NAV2: variants seen among roughly 807,000 people sequenced by gnomAD.
NAV2 encodes the protein helicase, APC down-regulated 1.
Under a neutral mutation model 223.2 loss-of-function variants are expected in NAV2, and 54 were observed. The observed-to-expected ratio is 0.24, with a 90% confidence interval of 0.19 to 0.30. The LOEUF (loss-of-function observed/expected upper bound fraction) is 0.30, where lower values mean the gene tolerates loss of function less well. NAV2 is among the 10% of genes least tolerant of loss of function. NAV2 has a pLI of 1.00. For missense variants in NAV2, 2,806 were observed against 3,147.5 expected, an observed-to-expected ratio of 0.89 and a Z score of 2.60; for synonymous variants, 1,279 against 1,239.3, an observed-to-expected ratio of 1.03 and a Z score of -0.67.
chr11:19,416,702 C>T (rs940065182), intron 1 of NAV2, among the ~76,000 whole-genome samples: 2 of 152,290 alleles, frequency 1.3e-5, no homozygotes, highest in African/African-American at 2.4e-5. Context: ...AACTATATTA[C>T]AAGGCTACAA....
intron 12 of NAV2, among the ~76,000 whole-genome samples, chr11:20,038,538 G>T (rs1266814111): frequency 6.6e-6 from 1 of 152,152 alleles, no homozygotes; most frequent in Admixed American, 6.5e-5. Context: ...TAATTCACAG[G>T]CTCCCATCCT....
intron 4 of NAV2, among the ~76,000 whole-genome samples, chr11:19,872,650 A>G (rs1339484584): frequency 6.6e-6 from 1 of 152,220 alleles, no homozygotes; most frequent in Non-Finnish European, 1.5e-5. Flanking sequence ...CCCAGTCTAA[A>G]GCTGGGTTTG....
At chr11:19,976,457 G>A (rs2049760146) in intron 10 of NAV2, among the ~76,000 whole-genome samples, 2 of 152,172 alleles carry the variant, frequency 1.3e-5, no homozygotes, top group African/African-American at 4.8e-5. Flanking sequence ...GTTTTCCCTG[G>A]CGAGGCTGGC....
In NAV2 at chr11:20,007,160, T is replaced by C. The variant is rs539593750; in HGVS notation, c.2768+22913T>C. On this transcript the variant is annotated intron_variant, in intron 11 of 37. Coordinates refer to ENST00000349880, the MANE Select transcript of NAV2 (RefSeq NM_145117.5). ...TTTGTAGAGACAGGGTTTCACCATG[T>C]CATCCAGTCTGGTCTTGAACTTCTG... 2.0e-5 allele frequency among the ~76,000 whole-genome samples: 3 copies of C among 152,298 alleles called. No homozygotes were observed. The South Asian group carries it at 6.2e-4, about 32-fold the overall frequency.
At chr11:19,946,284 C>A in intron 8 of NAV2, 117 bp from the exon 9 acceptor site, 1 of 810,916 alleles carries the variant, frequency 1.2e-6, no homozygotes, top group Non-Finnish European at 1.8e-6. Context: ...ATTAAGCACC[C>A]ACAGCAAGGC....
intron 1 of NAV2, among the ~76,000 whole-genome samples, chr11:19,723,878 G>C (rs1321328762): frequency 6.6e-6 from 1 of 152,206 alleles, no homozygotes; most frequent in South Asian, 2.1e-4. Flanking sequence ...AGACCTGGGA[G>C]TGACTCATGT....
intron 1 of NAV2, among the ~76,000 whole-genome samples, chr11:19,466,426 GT>G (rs1268069336): frequency 6.6e-6 from 1 of 152,186 alleles, no homozygotes; most frequent in Admixed American, 6.5e-5. Context: ...CTTTGCTTTT[GT>G]TTCTGAAAGT....
At position 19,948,789 on chromosome 11, in the gene NAV2, T is replaced by G; in HGVS notation, c.2354T>G (p.Leu785Arg). 6.2e-7 allele frequency: 1 copy of G among 1,614,064 alleles called. No individual in the cohort carries two copies. Among genetic ancestry groups the G allele is most frequent in the Non-Finnish European group, 8.5e-7 (1 of 1,180,006 alleles). The part of the protein sequence containing the change: ...TGRPTPLSWR[L>R]GQSSPRLQAG... ...AGGCCCACACCTCTGTCCTGGAGAC[T>G]GGGCCAGTCCAGCCCTCGGCTCCAA... Residue 785 changes from leucine to arginine, a missense_variant, in exon 10 of 38, where the codon CTG becomes CGG. Leu to Arg is a moderately radical substitution (Grantham distance 102). Coordinates refer to ENST00000349880, the MANE Select transcript of NAV2 (RefSeq NM_145117.5).
chr11:19,817,343 A>G (rs1590706169), intron 1 of NAV2, among the ~76,000 whole-genome samples: 1 of 152,216 alleles, frequency 6.6e-6, no homozygotes, highest in East Asian at 1.9e-4. Context: ...TGGAAATGTA[A>G]ATGTTTTTTG....
chr11:19,757,520 G>C (rs996816326), intron 1 of NAV2, among the ~76,000 whole-genome samples: 1 of 152,170 alleles, frequency 6.6e-6, no homozygotes, highest in Non-Finnish European at 1.5e-5. Flanking sequence ...TAGGCAAGTT[G>C]CTTGACCTCT....
chr11:19,971,152 T>C (rs986670788), intron 10 of NAV2, among the ~76,000 whole-genome samples: 4 of 152,158 alleles, frequency 2.6e-5, no homozygotes, highest in Admixed American at 1.3e-4. Flanking sequence ...TTGGGGAGTT[T>C]GTGTCATGTC....
chr11:20,015,783 T>C lies in NAV2; in HGVS notation c.2769-20176T>C, dbSNP rs191804351. Among the ~76,000 whole-genome samples, 57 of 152,268 alleles carry C rather than the reference T, an allele frequency of 3.7e-4. 2 individuals are homozygous for C. Among genetic ancestry groups the C allele is most frequent in the Admixed American group, 3.7e-3 (56 of 15,296 alleles). On this transcript the variant is annotated intron_variant, in intron 11 of 37. Transcript: ENST00000349880. The stretch of plus-strand genomic sequence containing the variant: ...TAGGAGGAGCGACTATAGTGTGGAA[T>C]TTGGTAAATGACAGTATCTCAATTG...
intron 20 of NAV2, among the ~76,000 whole-genome samples, chr11:20,065,682 G>A (rs1019453660): frequency 3.3e-4 from 50 of 152,234 alleles, no homozygotes; most frequent in Admixed American, 7.9e-4. Context: ...CCCAACCCCA[G>A]AGACAGGTGG....
intron 1 of NAV2, among the ~76,000 whole-genome samples, chr11:19,627,942 A>AT: frequency 1.3e-5 from 2 of 151,448 alleles, no homozygotes; most frequent in Non-Finnish European, 1.5e-5. Context: ...GAAGAAGAAG[A>AT]AGAAGAGATA....
intron 1 of NAV2, among the ~76,000 whole-genome samples, chr11:19,485,844 A>AT (rs2042427444): frequency 6.6e-6 from 1 of 152,112 alleles, no homozygotes; most frequent in African/African-American, 2.4e-5. Context: ...TAAAGATGCC[A>AT]TGGAACAAAC....
intron 1 of NAV2, chr11:19,591,385 G>A (rs2046055817): frequency 1.3e-5 from 2 of 152,124 alleles, no homozygotes; most frequent in African/African-American, 4.8e-5. Context: ...TGTCTAGATG[G>A]TCAGGCACTG....
rs576984697 is a variant in NAV2, at chr11:20,037,752, G to A, written c.2907+1655G>A. ...AAACCTAAGCCACACTTCACAAGCC[G>A]ATCACTGTTTCATCAGTGATTAGAC... On this transcript the variant is annotated intron_variant, in intron 12 of 37. Transcript: ENST00000349880. 9.7e-4 allele frequency among the ~76,000 whole-genome samples: 148 copies of A among 152,316 alleles called. 1 individual carries two copies. Among genetic ancestry groups the A allele is most frequent in the African/African-American group, 3.4e-3 (143 of 41,572 alleles).
chr11:19,656,367 A>G (rs1236041053), intron 1 of NAV2, among the ~76,000 whole-genome samples: 1 of 152,212 alleles, frequency 6.6e-6, no homozygotes, highest in Non-Finnish European at 1.5e-5. Context: ...ATCTGGCAGA[A>G]GGGCCATCAA....
chr11:20,095,621 G>A, intron 29 of NAV2, 51 bp from the exon 30 acceptor site: 1 of 1,343,236 alleles, frequency 7.4e-7, no homozygotes, highest in South Asian at 1.2e-5. Flanking sequence ...GCTGAACTGA[G>A]TCAGAAAAGA....
Sources: allele counts gnomAD v4.1 joint callset (sites outside exome capture counted in the v4.1 genomes callset), GRCh38; gene constraint gnomAD v4.1.1; transcripts MANE v1.5; gene names NCBI Gene and HGNC (gene_info 2026-07-23, HGNC 2026-07-21).